The following TRIM10 variants were observed in gnomAD, a reference collection of about 807,000 sequenced individuals.
The protein encoded by TRIM10 is tripartite motif-containing protein 10.
In TRIM10, 42 loss-of-function variants were observed where a neutral mutation model predicts 40.0. That is an observed-to-expected ratio of 1.05 (90% CI 0.82 to 1.36). The LOEUF (loss-of-function observed/expected upper bound fraction) is 1.36. Among genes scored for constraint, TRIM10 ranks in the 40% most tolerant of loss-of-function variants. The pLI is 0.00. For missense variants in TRIM10, 601 were observed against 608.3 expected, an observed-to-expected ratio of 0.99 and a Z score of 0.13; for synonymous variants, 260 against 239.5, an observed-to-expected ratio of 1.09 and a Z score of -0.79.
At chr6:30,158,855 C>A (rs894710213) in intron 2 of TRIM10, among the ~76,000 whole-genome samples, 6 of 150,716 alleles carry the variant, frequency 4.0e-5, no homozygotes, top group African/African-American at 1.5e-4. Context: ...GGTGGGGACA[C>A]CCTACCTCCT....
At position 30,160,296 on chromosome 6, in the gene TRIM10, G is replaced by A. The variant is rs543117934; in HGVS notation, c.429+134C>T. 2.4e-4 allele frequency: 220 copies of A among 926,596 alleles called. 3 individuals carry two copies. The highest frequency in any genetic ancestry group is 2.0e-3 in the South Asian group (111 of 56,700). 57.4% of individuals were successfully genotyped at this position (926,596 alleles called of 1,614,324 possible). ...ACATAAACACAATTTTCCATGCCTG[G>A]GTCTATTGCCTGGGTGATCATGTAA... On this transcript the variant is annotated intron_variant, in intron 1 of 6. Coordinates refer to ENST00000449742, the MANE Select transcript of TRIM10 (RefSeq NM_006778.4).
At chr6:30,163,268 C>A, upstream of TRIM10, 1 of 197,054 alleles carries the variant, frequency 5.1e-6, no homozygotes. Flanking sequence ...CTCAATCTGA[C>A]AGGAAGCTTC....
At chr6:30,163,776 G>C (rs1305769999), upstream of TRIM10, 1 of 1,613,022 alleles carries the variant, frequency 6.2e-7, no homozygotes, top group African/African-American at 1.3e-5. Context: ...ACCATTCCCT[G>C]TGGACACACC....
chr6:30,156,174 T>A (rs1171664177), intron 5 of TRIM10, among the ~76,000 whole-genome samples: 1 of 152,208 alleles, frequency 6.6e-6, no homozygotes, highest in Non-Finnish European at 1.5e-5. Flanking sequence ...TTATTCCACT[T>A]GGAAATAATT....
Position 30,159,200 on chromosome 6 carries a change from C to CCT in TRIM10, c.473_474dup (p.Glu159ArgfsTer18), listed in dbSNP as rs747466392. On this transcript the variant is annotated frameshift_variant, in exon 2 of 7. Coordinates refer to ENST00000449742, the MANE Select transcript of TRIM10 (RefSeq NM_006778.4). LOFTEE classifies it high-confidence loss of function. Reference sequence around the variant, plus strand: ...TCTCTTGACTGGATTTCTTGAATCTCCTCTCTCTCTTTTCTTAGACATTTA... The same window carrying CCT: ...TCTCTTGACTGGATTTCTTGAATCTCCTCTCTCTCTCTTTTCTTAGACATTTA... The CCT allele has an allele frequency of 7.4e-6, 12 of 1,611,976 alleles. No individual in the cohort carries two copies. The highest frequency in any genetic ancestry group is 1.0e-5 in the Non-Finnish European group (12 of 1,179,238).
intron 2 of TRIM10, 149 bp downstream of exon 2, chr6:30,159,001 G>T: frequency 1.6e-6 from 1 of 627,194 alleles, no homozygotes; most frequent in South Asian, 2.0e-5. Flanking sequence ...ACTGAAGTTG[G>T]AGAGTTGCTT....
chr6:30,160,015 C>A (rs1772921576), intron 1 of TRIM10, among the ~76,000 whole-genome samples: 1 of 152,350 alleles, frequency 6.6e-6, no homozygotes, highest in South Asian at 2.1e-4. Flanking sequence ...CTCTCAGTTA[C>A]ACTTACACAC....
At chr6:30,162,922 G>A (rs951348746), upstream of TRIM10, among the ~76,000 whole-genome samples, 6 of 147,542 alleles carry the variant, frequency 4.1e-5, no homozygotes, top group Admixed American at 1.4e-4. Context: ...CCTTCTCCCC[G>A]CTACAGTAAA....
At chr6:30,154,618 C>T in intron 6 of TRIM10, 132 bp from the exon 7 acceptor site, 2 of 1,173,960 alleles carry the variant, frequency 1.7e-6, no homozygotes, top group Non-Finnish European at 2.5e-6. Context: ...CTACGTGGGC[C>T]AACAGTGTGG....
rs891135398 is a variant in TRIM10, at chr6:30,161,053, G to C, written c.-195C>G. The C allele has an allele frequency of 3.2e-6, 2 of 618,820 alleles. No homozygotes were observed. The highest frequency in any genetic ancestry group is 2.8e-5 in the East Asian group (1 of 36,256). 38.3% of individuals were successfully genotyped at this position (618,820 alleles called of 1,614,324 possible). On this transcript the variant is annotated 5_prime_UTR_variant, in exon 1 of 7. The change creates a new upstream start codon in the 5' untranslated region. Coordinates refer to ENST00000449742, the MANE Select transcript of TRIM10 (RefSeq NM_006778.4). ...GTTCTATTCTCCTGCCAACAGCAGA[G>C]ATGGGAAATAGCAGAGGAGAGGAAG...
At chr6:30,157,165 C>T (rs1189288139) in intron 4 of TRIM10, 111 bp from the exon 5 acceptor site, 9 of 1,205,272 alleles carry the variant, frequency 7.5e-6, no homozygotes, top group East Asian at 2.4e-5. Flanking sequence ...TGCAGGCAGA[C>T]GTACTTCCTC....
upstream of TRIM10, chr6:30,163,503 A>T: frequency 1.3e-6 from 1 of 778,384 alleles, no homozygotes; most frequent in Non-Finnish European, 2.0e-6. Context: ...GGAACACAAG[A>T]GGCGGAGCCA....
chr6:30,155,876 G>A (rs754081749), intron 5 of TRIM10, 117 bp from the exon 6 acceptor site: 215 of 951,020 alleles, frequency 2.3e-4, no homozygotes, highest in Non-Finnish European at 3.2e-4. Context: ...AATGTAAGCT[G>A]GAATCCTCTA....
chr6:30,157,427 C>A (rs370407985), intron 3 of TRIM10, 36 bp from the exon 4 acceptor site: 115 of 1,571,546 alleles, frequency 7.3e-5, no homozygotes, highest in Non-Finnish European at 9.3e-5. Context: ...CAGTTTCCAG[C>A]TTCTCCTTTC....
At chr6:30,154,634 C>T in intron 6 of TRIM10, 148 bp from the exon 7 acceptor site, 1 of 969,458 alleles carries the variant, frequency 1.0e-6, no homozygotes, top group Non-Finnish European at 1.6e-6. Flanking sequence ...TGTGGAACCA[C>T]CTGGGAACTT....
rs776108850 is a variant in TRIM10 at position 30,158,420 on chromosome 6, C to G, written c.735G>C (p.Arg245Ser). 6 of 1,613,018 alleles carry G rather than the reference C, an allele frequency of 3.7e-6. No individual in the cohort carries two copies. The highest frequency in any genetic ancestry group is 5.1e-6 in the Non-Finnish European group (6 of 1,180,010). Reference sequence around the variant, plus strand: ...TCACCGTCAGGAGCTCCCTTGCTGGCCTCTCATTCTTCTCCTCCAGTTCTT... The same window carrying G: ...TCACCGTCAGGAGCTCCCTTGCTGGGCTCTCATTCTTCTCCTCCAGTTCTT... ...LIEELEEKNE[R>S]PARELLTDIR... The change falls in exon 3 of 7, where the codon AGG becomes AGC. Residue 245 changes from arginine (R) to serine (S), a missense_variant. Coordinates refer to ENST00000449742, the MANE Select transcript of TRIM10 (RefSeq NM_006778.4).
chr6:30,153,780 T>TG lies in TRIM10; in HGVS notation c.*188dup, dbSNP rs765208131. 2.0e-5 allele frequency: 32 copies of TG among 1,612,940 alleles called. No individual in the cohort carries two copies. The Admixed American group carries it at 3.3e-4, about 17-fold the overall frequency. On this transcript the variant is annotated 3_prime_UTR_variant, in exon 7 of 7. Transcript: ENST00000449742. ...GGTACCCTGGCCATCCACTGGGCAT[T>TG]GGGGAAAGGACTTGATCAGTAGATT... is the stretch of plus-strand genomic sequence containing the variant.
chr6:30,163,247 GC>G, upstream of TRIM10: 1 of 182,634 alleles, frequency 5.5e-6, no homozygotes. Context: ...GAAGTTTATG[GC>G]TCCCACCTGC....
At chr6:30,158,770 C>G (rs1772811357) in intron 2 of TRIM10, 141 bp from the exon 3 acceptor site, 4 of 736,938 alleles carry the variant, frequency 5.4e-6, no homozygotes, top group Non-Finnish European at 9.2e-6. Context: ...AGAAGCAAGA[C>G]TCACAGTGTT....
Sources: gnomAD v4.1 joint callset for allele counts (sites outside exome capture counted in the v4.1 genomes callset) on GRCh38, gnomAD v4.1.1 for gene constraint, MANE v1.5 for transcripts, NCBI Gene and HGNC (gene_info 2026-07-23, HGNC 2026-07-21) for gene names.